IDH1: variants seen among roughly 807,000 people sequenced by gnomAD.
The protein encoded by IDH1 is isocitrate dehydrogenase [NADP] cytoplasmic.
In IDH1, 33 loss-of-function variants were observed where a neutral mutation model predicts 46.1. The observed-to-expected ratio is 0.72, with a 90% confidence interval of 0.54 to 0.96. IDH1 has a LOEUF of 0.96. Ranked by LOEUF, IDH1 falls within the 40% of genes least tolerant of loss-of-function variation. The pLI is 0.00. For synonymous variants in IDH1, 144 were observed against 172.8 expected, an observed-to-expected ratio of 0.83 and a Z score of 1.31; for missense variants, 421 against 515.7, an observed-to-expected ratio of 0.82 and a Z score of 1.78.
intron 8 of IDH1, 81 bp downstream of exon 8, chr2:208,239,782 A>G (rs1687882960): frequency 5.0e-6 from 7 of 1,404,156 alleles, no homozygotes; most frequent in Non-Finnish European, 7.1e-6. Context: ...TGCACACAAA[A>G]CACTGAGCAG....
chr2:208,243,218 T>C (rs550163700), intron 6 of IDH1, among the ~76,000 whole-genome samples: 51 of 152,328 alleles, frequency 3.3e-4, no homozygotes, highest in Admixed American at 7.8e-4. Context: ...TGTGGGGACC[T>C]TATTTAAGAA....
chr2:208,249,165 G>A (rs1447998215), intron 3 of IDH1, among the ~76,000 whole-genome samples: 1 of 151,816 alleles, frequency 6.6e-6, no homozygotes, highest in Non-Finnish European at 1.5e-5. Context: ...CTTCATTAAT[G>A]CCAGTTAGTC....
chr2:208,248,169 C>A, intron 4 of IDH1, 200 bp downstream of exon 4: 2 of 589,194 alleles, frequency 3.4e-6, no homozygotes, highest in African/African-American at 3.8e-5. Flanking sequence ...GAGATGGACG[C>A]CTATTTGTAA....
At chr2:208,245,479 T>A (rs1361148087) in intron 4 of IDH1, 55 bp from the exon 5 acceptor site, 1 of 959,088 alleles carries the variant, frequency 1.0e-6, no homozygotes, top group East Asian at 2.4e-5. Flanking sequence ...GCAGGAATTG[T>A]AAGGAGAATA....
chr2:208,239,275 G>C (rs2124847979), intron 8 of IDH1, 42 bp from the exon 9 acceptor site: 1 of 1,600,924 alleles, frequency 6.2e-7, no homozygotes, highest in Non-Finnish European at 8.5e-7. Flanking sequence ...AATCATCCTA[G>C]TTATAGAGGT....
At chr2:208,242,367 C>T (rs1200533638) in intron 6 of IDH1, among the ~76,000 whole-genome samples, 1 of 152,166 alleles carries the variant, frequency 6.6e-6, no homozygotes, top group East Asian at 1.9e-4. Flanking sequence ...ATTTTACCCA[C>T]CTTGCAGGGA....
chr2:208,240,630 C>A (rs762589904), intron 7 of IDH1, among the ~76,000 whole-genome samples: 1 of 152,168 alleles, frequency 6.6e-6, no homozygotes, highest in African/African-American at 2.4e-5. Flanking sequence ...CTTCCTCGCT[C>A]TCTTTCATAC....
At chr2:208,249,815 T>A (rs763151653) in intron 3 of IDH1, among the ~76,000 whole-genome samples, 2 of 152,242 alleles carry the variant, frequency 1.3e-5, no homozygotes, top group South Asian at 4.1e-4. Context: ...AACAAAGTCA[T>A]GTCCTTTGTT....
intron 2 of IDH1, among the ~76,000 whole-genome samples, chr2:208,252,867 C>T (rs1003370048): frequency 1.3e-5 from 2 of 152,186 alleles, no homozygotes; most frequent in African/African-American, 2.4e-5. Flanking sequence ...TTTGGGGGAA[C>T]CTTCTGGAAC....
At chr2:208,249,074 G>C (rs1446323) in intron 3 of IDH1, among the ~76,000 whole-genome samples, 151,177 of 152,344 alleles carry the variant, frequency 0.99, 75,022 homozygotes, top group Middle Eastern at 1. Flanking sequence ...GGTGGGAGGG[G>C]TTAAAGGATT....
Position 208,239,203 on chromosome 2 carries a change from G to A in IDH1, c.1022C>T (p.Ala341Val), listed in dbSNP as rs765179388. The A allele has an allele frequency of 6.2e-7, 1 of 1,614,082 alleles. No homozygotes were observed. Among genetic ancestry groups the A allele is most frequent in the Non-Finnish European group, 8.5e-7 (1 of 1,180,002 alleles). The change falls in exon 9 of 10, where the codon GCC (alanine) becomes GTC (valine). Residue 341 changes from alanine (A) to valine (V), a missense_variant. Coordinates refer to ENST00000345146, the MANE Select transcript of IDH1 (RefSeq NM_005896.4). ...ASIFAWTRGL[A>V]HRAKLDNNKE... ...ATTGTTATCAAGCTTTGCTCTGTGG[G>A]CTAACCCTCTGGTCCAGGCAAAAAT...
At chr2:208,248,160 A>C (rs1688057145) in intron 4 of IDH1, 5 of 592,460 alleles carry the variant, frequency 8.4e-6, no homozygotes, top group Non-Finnish European at 1.5e-5. Context: ...AAATGTGTTG[A>C]GATGGACGCC....
intron 1 of IDH1, chr2:208,254,237 C>T (rs1163868546): frequency 6.6e-6 from 1 of 152,506 alleles, no homozygotes; most frequent in Non-Finnish European, 1.5e-5. Context: ...CTGCACCCGT[C>T]CTTATGGCCG....
At chr2:208,239,349 GA>G in intron 8 of IDH1, 116 bp from the exon 9 acceptor site, 2 of 999,080 alleles carry the variant, frequency 2.0e-6, no homozygotes, top group Non-Finnish European at 3.1e-6. Context: ...GACTTCTTTA[GA>G]TACTAACCAC....
At chr2:208,252,448 T>G (rs1300610708) in intron 2 of IDH1, among the ~76,000 whole-genome samples, 1 of 152,142 alleles carries the variant, frequency 6.6e-6, no homozygotes, top group Non-Finnish European at 1.5e-5. Flanking sequence ...TCAATCTGAT[T>G]CTCAGAAAGT....
chr2:208,253,398 A>G (rs1054943307), intron 2 of IDH1, among the ~76,000 whole-genome samples: 2 of 152,210 alleles, frequency 1.3e-5, no homozygotes, highest in Admixed American at 1.3e-4. Context: ...TCTGATTTCC[A>G]TGGGATGGGC....
intron 3 of IDH1, 90 bp downstream of exon 3, chr2:208,251,337 GCCT>G: frequency 7.4e-7 from 1 of 1,355,730 alleles, no homozygotes; most frequent in Non-Finnish European, 1.0e-6. Flanking sequence ...TCCTGCCTCT[GCCT>G]CCTAAGTAGC....
chr2:208,245,781 C>G (rs1039545169), intron 4 of IDH1, among the ~76,000 whole-genome samples: 7 of 35,218 alleles, frequency 2.0e-4, no homozygotes, highest in African/African-American at 4.5e-4. Flanking sequence ...GGTATTAGAC[C>G]CCCCCCCCAA....
chr2:208,245,096 A>C (rs1373722049), intron 5 of IDH1, among the ~76,000 whole-genome samples: 2 of 152,248 alleles, frequency 1.3e-5, no homozygotes, highest in African/African-American at 4.8e-5. Flanking sequence ...CTTTGCCTAA[A>C]GGCATTTCCA....
Sources: gnomAD v4.1 joint callset for allele counts (sites outside exome capture counted in the v4.1 genomes callset) on GRCh38, gnomAD v4.1.1 for gene constraint, MANE v1.5 for transcripts, NCBI Gene and HGNC (gene_info 2026-07-23, HGNC 2026-07-21) for gene names.